ZNF804B: variants seen among roughly 807,000 people sequenced by gnomAD.
ZNF804B encodes zinc finger protein 804B.
A neutral mutation model predicts 101.4 loss-of-function variants in ZNF804B; 80 were observed. That is an observed-to-expected ratio of 0.79 (90% CI 0.66 to 0.95). The LOEUF (loss-of-function observed/expected upper bound fraction) is 0.95. ZNF804B is among the 40% of genes least tolerant of loss of function. ZNF804B has a pLI of 0.00. For missense variants in ZNF804B, 1,673 were observed against 1,561.9 expected, an observed-to-expected ratio of 1.07 and a Z score of -1.20; for synonymous variants, 622 against 558.8, an observed-to-expected ratio of 1.11 and a Z score of -1.59.
intron 1 of ZNF804B, among the ~76,000 whole-genome samples, chr7:89,166,479 A>G (rs987546494): frequency 6.6e-6 from 1 of 152,188 alleles, no homozygotes; most frequent in African/African-American, 2.4e-5. Flanking sequence ...ACTCTAGTAT[A>G]TTTATCAACA....
chr7:88,934,789 G>A (rs1224337746), intron 1 of ZNF804B, among the ~76,000 whole-genome samples: 1 of 151,814 alleles, frequency 6.6e-6, no homozygotes, highest in Non-Finnish European at 1.5e-5. Flanking sequence ...TACATTCCTG[G>A]TGGGAATGTA....
chr7:89,089,053 T>A (rs911692543), intron 1 of ZNF804B, among the ~76,000 whole-genome samples: 1 of 150,788 alleles, frequency 6.6e-6, no homozygotes, highest in Non-Finnish European at 1.5e-5. Flanking sequence ...TTTCCTTTTT[T>A]TTTCTTTTTT....
At position 89,138,871 on chromosome 7, in the gene ZNF804B, T is replaced by C. The variant is rs541839140; in HGVS notation, c.109-79284T>C. Among the ~76,000 whole-genome samples, 3 of 152,246 alleles carry C rather than the reference T, an allele frequency of 2.0e-5. No individual in the cohort carries two copies. In the South Asian group the frequency reaches 6.2e-4, roughly 32 times the overall value. On this transcript the variant is annotated intron_variant, in intron 1 of 3. Coordinates refer to ENST00000333190, the MANE Select transcript of ZNF804B (RefSeq NM_181646.5). ...ACTTACTCTTCTTTATCTTCCACCA[T>C]GATTGTGAGGCTTCCCCAGCCACAT...
chr7:89,210,190 A>C (rs2115675665), intron 1 of ZNF804B, among the ~76,000 whole-genome samples: 1 of 152,166 alleles, frequency 6.6e-6, no homozygotes, highest in East Asian at 1.9e-4. Context: ...TGGAGAAATC[A>C]ACATTAGTAA....
intron 1 of ZNF804B, among the ~76,000 whole-genome samples, chr7:89,004,579 A>G (rs1275508145): frequency 2.0e-5 from 3 of 151,934 alleles, no homozygotes; most frequent in Non-Finnish European, 4.4e-5. Context: ...TGGTGACGGC[A>G]TGCAGGTAAC....
At chr7:89,148,662 A>C (rs1790825168) in intron 1 of ZNF804B, among the ~76,000 whole-genome samples, 1 of 152,116 alleles carries the variant, frequency 6.6e-6, no homozygotes, top group African/African-American at 2.4e-5. Context: ...AGATTTACCC[A>C]GGAAAACTTC....
At chr7:89,101,213 T>C (rs1368549639) in intron 1 of ZNF804B, among the ~76,000 whole-genome samples, 12 of 152,052 alleles carry the variant, frequency 7.9e-5, no homozygotes, top group African/African-American at 2.9e-4. Context: ...ATTCATTATA[T>C]AAAACAGTTC....
At position 89,333,572 on chromosome 7, in the gene ZNF804B, G is replaced by A; in HGVS notation, c.590G>A (p.Cys197Tyr). The A allele has an allele frequency of 6.2e-7, 1 of 1,613,614 alleles. No individual in the cohort carries two copies. The highest frequency in any genetic ancestry group is 2.2e-5 in the East Asian group (1 of 44,854). The change falls in exon 4 of 4, where the codon TGT becomes TAT. Residue 197 changes from cysteine (C) to tyrosine (Y), a missense_variant. Transcript: ENST00000333190. Reference protein sequence around the residue: ...NRHQLQSDRRCLFGNQVLQTS... With the variant: ...NRHQLQSDRRYLFGNQVLQTS... Reference sequence around the variant, plus strand: ...CACCAATTACAATCAGACAGGCGTTGTTTGTTTGGAAATCAGGTACTGCAA... The same window carrying A: ...CACCAATTACAATCAGACAGGCGTTATTTGTTTGGAAATCAGGTACTGCAA...
At chr7:89,253,708 A>G (rs1421764733) in intron 2 of ZNF804B, among the ~76,000 whole-genome samples, 1 of 152,132 alleles carries the variant, frequency 6.6e-6, no homozygotes, top group South Asian at 2.1e-4. Context: ...CAGAAACAGA[A>G]GATTATAAAA....
chr7:88,802,424 A>T (rs1480904690), intron 1 of ZNF804B, among the ~76,000 whole-genome samples: 1 of 151,970 alleles, frequency 6.6e-6, no homozygotes, highest in East Asian at 1.9e-4. Context: ...AAATTGTCAC[A>T]CTGCTGGCAC....
chr7:89,172,312 G>C (rs1179919028), intron 1 of ZNF804B, among the ~76,000 whole-genome samples: 1 of 152,146 alleles, frequency 6.6e-6, no homozygotes, highest in Non-Finnish European at 1.5e-5. Flanking sequence ...AGTAGTAAAA[G>C]AGTAAATGGG....
At chr7:88,767,775 TCTA>T (rs1463828218) in intron 1 of ZNF804B, among the ~76,000 whole-genome samples, 1 of 152,268 alleles carries the variant, frequency 6.6e-6, no homozygotes, top group Non-Finnish European at 1.5e-5. Flanking sequence ...TCCACATGAT[TCTA>T]CTATTGTCCA....
At chr7:88,951,296 A>G (rs1035389835) in intron 1 of ZNF804B, among the ~76,000 whole-genome samples, 1 of 151,896 alleles carries the variant, frequency 6.6e-6, no homozygotes, top group Non-Finnish European at 1.5e-5. Context: ...TCTGATAGGT[A>G]TGCACTTGCA....
intron 1 of ZNF804B, among the ~76,000 whole-genome samples, chr7:89,117,457 A>C (rs1482509302): frequency 6.6e-6 from 1 of 152,186 alleles, no homozygotes; most frequent in Non-Finnish European, 1.5e-5. Flanking sequence ...AAAAACCTGC[A>C]TTCTGTGTTG....
intron 2 of ZNF804B, among the ~76,000 whole-genome samples, chr7:89,326,667 G>T (rs1790901106): frequency 6.6e-6 from 1 of 151,972 alleles, no homozygotes; most frequent in Non-Finnish European, 1.5e-5. Flanking sequence ...TTCTTAAGAA[G>T]AGGTCTTACT....
intron 1 of ZNF804B, among the ~76,000 whole-genome samples, chr7:89,066,938 A>AAT (rs1221372191): frequency 2.0e-5 from 3 of 151,720 alleles, no homozygotes; most frequent in Non-Finnish European, 4.4e-5. Flanking sequence ...GTCAATTTCT[A>AAT]ATATATATAT....
chr7:88,985,027 C>A (rs529701050), intron 1 of ZNF804B, among the ~76,000 whole-genome samples: 1 of 152,086 alleles, frequency 6.6e-6, no homozygotes, highest in Non-Finnish European at 1.5e-5. Context: ...TACCTTCATT[C>A]ATAGTTTTCA....
intron 1 of ZNF804B, among the ~76,000 whole-genome samples, chr7:89,146,610 C>T (rs1263027437): frequency 6.6e-6 from 1 of 151,888 alleles, no homozygotes; most frequent in Non-Finnish European, 1.5e-5. Context: ...TTTCAGCTTT[C>T]CTAAAACTAA....
At chr7:89,277,947 C>T (rs900828230) in intron 2 of ZNF804B, among the ~76,000 whole-genome samples, 1 of 152,108 alleles carries the variant, frequency 6.6e-6, no homozygotes, top group Non-Finnish European at 1.5e-5. Flanking sequence ...AATGGTTGAA[C>T]TAGTTTACAG....
Sources: gnomAD v4.1 joint callset for allele counts (sites outside exome capture counted in the v4.1 genomes callset) on GRCh38, gnomAD v4.1.1 for gene constraint, MANE v1.5 for transcripts, NCBI Gene and HGNC (gene_info 2026-07-23, HGNC 2026-07-21) for gene names.